RRH: variants seen among roughly 807,000 people sequenced by gnomAD.
RRH encodes retinal pigment epithelium-derived rhodopsin homolog.
RRH carries 36 observed loss-of-function variants against 33.1 expected under a neutral mutation model. The ratio of observed to expected loss-of-function variants is 1.09; its 90% CI spans 0.83 to 1.44. The LOEUF is 1.44. RRH is among the 40% of genes most tolerant of loss of function. The pLI is 0.00. For missense variants in RRH, 393 were observed against 420.2 expected (o/e 0.94, Z 0.57); for synonymous variants, 124 against 140.2 (o/e 0.88, Z 0.82).
chr4:109,835,875 T>C (rs1253129282), intron 3 of RRH, 132 bp from the exon 4 acceptor site: 3 of 985,880 alleles, frequency 3.0e-6, no homozygotes, highest in African/African-American at 1.6e-5. Flanking sequence ...GTTGCACTCA[T>C]GTTTTGGCTC....
chr4:109,839,686 C>T (rs1467499041), intron 5 of RRH, among the ~76,000 whole-genome samples: 1 of 152,130 alleles, frequency 6.6e-6, no homozygotes, highest in African/African-American at 2.4e-5. Flanking sequence ...CATTTAGCTC[C>T]CACTTATAAG....
rs1294064335 is a variant in RRH at position 109,844,405 on chromosome 4, A to T, written c.*208A>T. 1 of 461,908 alleles carries T rather than the reference A, an allele frequency of 2.2e-6. No individual in the cohort carries two copies. Among genetic ancestry groups the T allele is most frequent in the Non-Finnish European group, 4.0e-6 (1 of 250,810 alleles). 28.6% of individuals were successfully genotyped at this position (461,908 alleles called of 1,614,324 possible). ...GTCCTGATATATCAACTTATTGCTCATCTCCTTTGATGAATTAGGCATCAG... is the reference window on the plus strand; with the variant it reads ...GTCCTGATATATCAACTTATTGCTCTTCTCCTTTGATGAATTAGGCATCAG... On this transcript the variant is annotated 3_prime_UTR_variant, in exon 7 of 7. Transcript: ENST00000317735.
intron 4 of RRH, among the ~76,000 whole-genome samples, chr4:109,837,186 G>C (rs1733902279): frequency 6.6e-6 from 1 of 152,176 alleles, no homozygotes; most frequent in African/African-American, 2.4e-5. Context: ...GCCATAGCCA[G>C]TATGTAAATG....
chr4:109,835,488 C>T lies in RRH; in HGVS notation c.397+23C>T, dbSNP rs767845653. The T allele has an allele frequency of 2.0e-6, 3 of 1,530,408 alleles. No individual in the cohort carries two copies. The Admixed American group carries it at 5.0e-5, about 26-fold the overall frequency. The allele number at this position is 1,530,408 out of a possible 1,614,324, so 94.8% of individuals were successfully genotyped here. ...TAGGTACAACACTTTTCTCAGCTTT[C>T]TTAATGAATCCATTTCTTGACTAAT... On this transcript the variant is annotated intron_variant, in intron 3 of 6. Coordinates refer to ENST00000317735, the MANE Select transcript of RRH (RefSeq NM_006583.5).
intron 1 of RRH, among the ~76,000 whole-genome samples, chr4:109,829,417 CAA>C (rs34337445): frequency 7.3e-4 from 103 of 140,862 alleles, no homozygotes; most frequent in Middle Eastern, 3.8e-3. Context: ...TGTAGATGAC[CAA>C]AAAAAAAAAA....
At chr4:109,838,501 G>C (rs925511492) in intron 5 of RRH, among the ~76,000 whole-genome samples, 1 of 75,930 alleles carries the variant, frequency 1.3e-5, no homozygotes, top group Admixed American at 1.1e-4. Context: ...TGGAATGCTT[G>C]TCTTCCTTTT....
At chr4:109,829,422 A>AC (rs1277230405) in intron 1 of RRH, among the ~76,000 whole-genome samples, 7 of 151,710 alleles carry the variant, frequency 4.6e-5, no homozygotes, top group Non-Finnish European at 1.0e-4. Context: ...ATGACCAAAA[A>AC]AAAAAAAAAT....
At position 109,828,136 on chromosome 4, in the gene RRH, A is replaced by T; in HGVS notation, c.106+3A>T. On this transcript the variant is annotated splice_donor_region_variant and intron_variant, in intron 1 of 6. Coordinates refer to ENST00000317735, the MANE Select transcript of RRH (RefSeq NM_006583.5). ...TGCAACTTACTTGATTATGGCAGGT[A>T]TGGATATTTAAGTAAGTTATTTTTC... The T allele has an allele frequency of 6.3e-7, 1 of 1,582,522 alleles. No individual in the cohort carries two copies. The highest frequency in any genetic ancestry group is 8.7e-7 in the Non-Finnish European group (1 of 1,151,762).
chr4:109,830,768 C>G (rs561312660), intron 1 of RRH, among the ~76,000 whole-genome samples: 7 of 151,988 alleles, frequency 4.6e-5, no homozygotes, highest in Admixed American at 1.3e-4. Context: ...AGAAAGGGAT[C>G]TAGGACAGAA....
At chr4:109,834,496 A>ATT (rs58832355) in intron 2 of RRH, among the ~76,000 whole-genome samples, 2,781 of 139,920 alleles carry the variant, frequency 0.02, 104 homozygotes, top group East Asian at 0.13. Context: ...AGCCTGGCTA[A>ATT]TTTTTTTTTT....
chr4:109,832,845 A>G (rs963604914), intron 1 of RRH, among the ~76,000 whole-genome samples: 1 of 152,164 alleles, frequency 6.6e-6, no homozygotes, highest in African/African-American at 2.4e-5. Context: ...AATGGTATGA[A>G]AGCCAATGAA....
Position 109,833,139 on chromosome 4 carries a change from G to T in RRH, c.107G>T (p.Gly36Val). 1 of 1,610,406 alleles carries T rather than the reference G, an allele frequency of 6.2e-7. No individual in the cohort carries two copies. The highest frequency in any genetic ancestry group is 8.5e-7 in the Non-Finnish European group (1 of 1,176,752). Reference protein sequence around the residue: ...NIVATYLIMAGMISIISNIIV... With the variant: ...NIVATYLIMAVMISIISNIIV... ...ATCATATTTTTGTGTGTGTTCTCAG[G>T]TATGATAAGTATTATCAGCAACATA... The change falls in exon 2 of 7, where the codon GGT (glycine) becomes GTT (valine). Residue 36 changes from glycine to valine, a missense_variant and splice_region_variant. By Grantham distance (109) the Gly-to-Val change is moderately radical. Coordinates refer to ENST00000317735, the MANE Select transcript of RRH (RefSeq NM_006583.5).
chr4:109,829,558 T>C (rs1733706857), intron 1 of RRH, among the ~76,000 whole-genome samples: 1 of 152,128 alleles, frequency 6.6e-6, no homozygotes, highest in Non-Finnish European at 1.5e-5. Context: ...CTGCTACTAA[T>C]GTTATCATTT....
intron 2 of RRH, among the ~76,000 whole-genome samples, chr4:109,833,837 G>C (rs6829540): frequency 0.98 from 149,795 of 152,354 alleles, 73,684 homozygotes; most frequent in East Asian, 1. Context: ...TTACTTTTAG[G>C]CTAATTCTTT....
rs1733799398 is a variant in RRH, at chr4:109,833,259, G to A, written c.227G>A (p.Ser76Asn). Residue 76 changes from serine to asparagine, a missense_variant, in exon 2 of 7, where the codon AGC becomes AAC. Physicochemically the swap from Ser to Asn is conservative, Grantham distance 46. Transcript: ENST00000317735. ...NLAVTDIGVS[S>N]IGYPMSAASD... ...GCTGTTACTGATATAGGGGTCAGTA[G>A]CATTGGCTATCCCATGTCTGCTGCC... 1.2e-6 allele frequency: 2 copies of A among 1,613,888 alleles called. No homozygotes were observed. Among genetic ancestry groups the A allele is most frequent in the Non-Finnish European group, 1.7e-6 (2 of 1,179,800 alleles).
intron 5 of RRH, among the ~76,000 whole-genome samples, chr4:109,838,286 C>T (rs548336330): frequency 7.2e-4 from 110 of 152,266 alleles, no homozygotes; most frequent in Non-Finnish European, 2.4e-4. Flanking sequence ...TCTTTCTCTG[C>T]TCTCAGTATG....
In RRH at chr4:109,827,998, T is replaced by C. The variant is rs1560582554; in HGVS notation, c.-30T>C. The C allele has an allele frequency of 7.3e-7, 1 of 1,362,054 alleles. No individual in the cohort carries two copies. Among genetic ancestry groups the C allele is most frequent in the Admixed American group, 1.7e-5 (1 of 59,624 alleles). 84.4% of individuals were successfully genotyped at this position (1,362,054 alleles called of 1,614,324 possible). On this transcript the variant is annotated 5_prime_UTR_variant, in exon 1 of 7. The change abolishes an upstream ATG in the 5' untranslated region. Coordinates refer to ENST00000317735, the MANE Select transcript of RRH (RefSeq NM_006583.5). ...GTTCATAATTATCGAAGGCTTATTA[T>C]GAAGGGTGTTTCGGTATCTTCCCTC...
chr4:109,832,495 A>AGTGTGTGTGTGTGTGTGT (rs36127904), intron 1 of RRH, among the ~76,000 whole-genome samples: 18 of 135,292 alleles, frequency 1.3e-4, no homozygotes, highest in African/African-American at 4.7e-4. Context: ...CTATTGGGGT[A>AGTGTGTGTGTGTGTGTGT]GTGTGTGTGT....
chr4:109,837,369 C>G, intron 4 of RRH, 68 bp from the exon 5 acceptor site: 31 of 1,256,340 alleles, frequency 2.5e-5, no homozygotes, highest in Non-Finnish European at 3.1e-5. Flanking sequence ...TAATAATTAT[C>G]TCCTCTTTCT....
Sources: allele counts gnomAD v4.1 joint callset (sites outside exome capture counted in the v4.1 genomes callset), GRCh38; gene constraint gnomAD v4.1.1; transcripts MANE v1.5; gene names NCBI Gene and HGNC (gene_info 2026-07-23, HGNC 2026-07-21).